The following BLTP3B variants were observed in gnomAD, a reference collection of about 807,000 sequenced individuals.
BLTP3B encodes the protein UHRF1 (ICBP90) binding protein 1-like.
chr12:100,101,649 C>T, the BLTP3B span, among the ~76,000 whole-genome samples: 1 of 152,174 alleles, frequency 6.6e-6, no homozygotes, highest in African/African-American at 2.4e-5. Flanking sequence ...TTAATAACTT[C>T]TAACTTTTCA....
At chr12:100,095,571 C>A in the BLTP3B span, 2 of 1,408,250 alleles carry the variant, frequency 1.4e-6, no homozygotes, top group Non-Finnish European at 9.7e-7. Flanking sequence ...CAAAACCTCA[C>A]AATCTGTCTC....
chr12:100,124,976 A>ATATATT, the BLTP3B span, among the ~76,000 whole-genome samples: 2 of 94,868 alleles, frequency 2.1e-5, no homozygotes, highest in Non-Finnish European at 4.0e-5. Context: ...ATATATATAT[A>ATATATT]TATTTATATT....
At chr12:100,077,448 T>C in the BLTP3B span, among the ~76,000 whole-genome samples, 3 of 152,222 alleles carry the variant, frequency 2.0e-5, no homozygotes, top group African/African-American at 7.2e-5. Flanking sequence ...TTAAATCAGT[T>C]TCTAAACATT....
chr12:100,058,692 A>C, the BLTP3B span: 1 of 1,614,038 alleles, frequency 6.2e-7, no homozygotes, highest in Middle Eastern at 1.7e-4. Context: ...TCTAAGTAAA[A>C]TTCCAATACA....
At chr12:100,126,004 G>A in the BLTP3B span, among the ~76,000 whole-genome samples, 32 of 152,274 alleles carry the variant, frequency 2.1e-4, no homozygotes, top group African/African-American at 6.5e-4. Flanking sequence ...AGTGGCTCAC[G>A]CCTGTAATCC....
At chr12:100,098,946 A>T in the BLTP3B span, among the ~76,000 whole-genome samples, 1 of 150,890 alleles carries the variant, frequency 6.6e-6, no homozygotes, top group Admixed American at 6.6e-5. Flanking sequence ...AGACAGACAC[A>T]TAGATACATA....
the BLTP3B span, among the ~76,000 whole-genome samples, chr12:100,126,155 A>G: frequency 6.6e-6 from 1 of 152,174 alleles, no homozygotes; most frequent in Non-Finnish European, 1.5e-5. Context: ...AGTAGGCAGC[A>G]CTCAAGCTAC....
chr12:100,058,717 T>C, the BLTP3B span: 2 of 1,614,006 alleles, frequency 1.2e-6, no homozygotes, highest in African/African-American at 2.7e-5. Flanking sequence ...GATGTCTGAC[T>C]AGCAGGACTG....
At chr12:100,103,653 A>G in the BLTP3B span, among the ~76,000 whole-genome samples, 1 of 152,192 alleles carries the variant, frequency 6.6e-6, no homozygotes, top group Non-Finnish European at 1.5e-5. Context: ...ACATCAACAA[A>G]GAGTTAAATG....
At chr12:100,132,785 T>G in the BLTP3B span, among the ~76,000 whole-genome samples, 1 of 149,992 alleles carries the variant, frequency 6.7e-6, no homozygotes, top group African/African-American at 2.5e-5. Flanking sequence ...CCATCTCTAC[T>G]AAAAATACAA....
At chr12:100,098,216 TC>T in the BLTP3B span, 3 of 921,206 alleles carry the variant, frequency 3.3e-6, no homozygotes, top group Non-Finnish European at 3.1e-6. Context: ...AGACCCTGTC[TC>T]CCCGCACCCT....
chr12:100,045,818 C>T, the BLTP3B span, among the ~76,000 whole-genome samples: 3 of 152,284 alleles, frequency 2.0e-5, no homozygotes, highest in South Asian at 6.2e-4. Context: ...AAAATTTTTG[C>T]AGTCTACTCA....
the BLTP3B span, among the ~76,000 whole-genome samples, chr12:100,075,232 G>A: frequency 5.3e-5 from 8 of 151,908 alleles, no homozygotes; most frequent in East Asian, 1.9e-4. Flanking sequence ...GGCTGGTCTC[G>A]AACTCCTGAC....
the BLTP3B span, among the ~76,000 whole-genome samples, chr12:100,075,105 G>A: frequency 3.1e-4 from 47 of 151,566 alleles, no homozygotes; most frequent in African/African-American, 8.7e-4. Flanking sequence ...TCTGCCTCCC[G>A]GGTTCAAGCA....
the BLTP3B span, among the ~76,000 whole-genome samples, chr12:100,052,584 A>T: frequency 8.8e-4 from 134 of 152,264 alleles, no homozygotes; most frequent in African/African-American, 2.9e-3. Flanking sequence ...AAAGTGAGAT[A>T]AAGACTGAAA....
At chr12:100,136,820 A>AT in the BLTP3B span, among the ~76,000 whole-genome samples, 8 of 140,646 alleles carry the variant, frequency 5.7e-5, no homozygotes, top group African/African-American at 1.8e-4. Context: ...CTTTTTTTTT[A>AT]TTTTTTTTGA....
the BLTP3B span, among the ~76,000 whole-genome samples, chr12:100,054,337 T>C: frequency 6.6e-6 from 1 of 152,140 alleles, no homozygotes; most frequent in Non-Finnish European, 1.5e-5. Context: ...CATACACAAA[T>C]TCATAAAATA....
chr12:100,059,644 AC>A, the BLTP3B span: 15 of 1,258,452 alleles, frequency 1.2e-5, no homozygotes, highest in Non-Finnish European at 1.5e-5. Context: ...CCCCCAAAAT[AC>A]TACTTTCCTA....
the BLTP3B span, among the ~76,000 whole-genome samples, chr12:100,069,535 G>C: frequency 6.6e-6 from 1 of 151,668 alleles, no homozygotes; most frequent in African/African-American, 2.4e-5. Context: ...CCATAAAAAG[G>C]AATGAATTAA....
Sources: allele counts gnomAD v4.1 joint callset (sites outside exome capture counted in the v4.1 genomes callset), GRCh38; gene constraint gnomAD v4.1.1; transcripts MANE v1.5; gene names NCBI Gene and HGNC (gene_info 2026-07-23, HGNC 2026-07-21).